The following CSDE1 variants were observed in gnomAD, a reference collection of about 807,000 sequenced individuals.
The protein encoded by CSDE1 is cold shock domain-containing protein E1.
A neutral mutation model predicts 89.3 loss-of-function variants in CSDE1; 17 were observed. The ratio of observed to expected loss-of-function variants is 0.19; its 90% confidence interval spans 0.13 to 0.29. The LOEUF is 0.29. Ranked by LOEUF, CSDE1 falls within the 10% of genes least tolerant of loss-of-function variation. The pLI is 1.00. For synonymous variants in CSDE1, 322 were observed against 332.8 expected, an observed-to-expected ratio of 0.97 and a Z score of 0.35; for missense variants, 672 against 984.2, an observed-to-expected ratio of 0.68 and a Z score of 4.24.
rs1278896427 is a variant in CSDE1 at position 114,737,513 on chromosome 1, C to A, written c.360G>T (p.Pro120=). The stretch of plus-strand genomic sequence containing the variant: ...ATACACTCCCTGTTGGACTCTGACC[C>A]GGGGCAGCTGGAGATTTACTCTCTA... ...HNLESKSPAA[P]GQSPTGSVCY... The change falls in exon 5 of 20, where the codon CCG becomes CCT. Residue 120 remains proline, a synonymous_variant. Transcript: ENST00000358528. 2 of 1,613,898 alleles carry A rather than the reference C, an allele frequency of 1.2e-6. No homozygotes were observed. Among genetic ancestry groups the A allele is most frequent in the East Asian group, 2.2e-5 (1 of 44,872 alleles).
At chr1:114,737,810 C>T (rs1019505842) in intron 4 of CSDE1, among the ~76,000 whole-genome samples, 153 bp downstream of exon 4, 1 of 152,070 alleles carries the variant, frequency 6.6e-6, no homozygotes, top group African/African-American at 2.4e-5. Context: ...TCAAGAAATG[C>T]CAGTGCTTTT....
At chr1:114,751,976 G>C (rs1661333231) in intron 1 of CSDE1, among the ~76,000 whole-genome samples, 1 of 152,116 alleles carries the variant, frequency 6.6e-6, no homozygotes, top group Admixed American at 6.5e-5. Flanking sequence ...TCAAAAACTT[G>C]AATTTTGGCC....
At position 114,717,963 on chromosome 1, in the gene CSDE1, G is replaced by A. The variant is rs1659279921; in HGVS notation, c.*206C>T. The A allele has an allele frequency of 5.5e-6, 3 of 548,658 alleles. No homozygotes were observed. The highest frequency in any genetic ancestry group is 9.5e-6 in the Non-Finnish European group (3 of 316,588). 34.0% of individuals were successfully genotyped at this position (548,658 alleles called of 1,614,324 possible). A position where few individuals can be genotyped will look rare whatever the true frequency, so the allele number is the denominator to read the frequency against. On this transcript the variant is annotated 3_prime_UTR_variant, in exon 20 of 20. Transcript: ENST00000358528. ...GCGCCACCTTAAGTTTTTCCAGGCT[G>A]CAACTGTGCATTATTTAAAATGGTT...
At chr1:114,751,005 T>C (rs747400231) in intron 1 of CSDE1, among the ~76,000 whole-genome samples, 2 of 152,190 alleles carry the variant, frequency 1.3e-5, no homozygotes, top group Non-Finnish European at 2.9e-5. Context: ...AGAGCTGGGC[T>C]GAAGTGAAAT....
intron 11 of CSDE1, 26 bp from the exon 12 acceptor site, chr1:114,730,448 T>A: frequency 6.2e-7 from 1 of 1,610,090 alleles, no homozygotes; most frequent in Non-Finnish European, 8.5e-7. Flanking sequence ...CAAAATTAAC[T>A]TTCAATTGAA....
intron 10 of CSDE1, among the ~76,000 whole-genome samples, chr1:114,730,862 A>T (rs1660059069): frequency 6.6e-6 from 1 of 152,264 alleles, no homozygotes; most frequent in South Asian, 2.1e-4. Flanking sequence ...TCCAATTGCT[A>T]CTTCCTGGCA....
At chr1:114,744,914 A>G (rs1660933446) in intron 2 of CSDE1, among the ~76,000 whole-genome samples, 1 of 152,208 alleles carries the variant, frequency 6.6e-6, no homozygotes. Context: ...AGGCACTCAT[A>G]TGTTGAATTA....
At chr1:114,722,399 G>T (rs145792881) in intron 16 of CSDE1, among the ~76,000 whole-genome samples, 4 of 152,286 alleles carry the variant, frequency 2.6e-5, no homozygotes, top group East Asian at 1.9e-4. Context: ...AGCTAGCAAA[G>T]ATTTAAGTTA....
At chr1:114,726,475 G>T in intron 13 of CSDE1, 89 bp from the exon 14 acceptor site, 1 of 1,020,908 alleles carries the variant, frequency 9.8e-7, no homozygotes, top group Non-Finnish European at 1.4e-6. Context: ...CTCCCCCAGC[G>T]CATGCTTTTC....
At chr1:114,732,944 G>A (rs928747489) in intron 9 of CSDE1, 128 bp from the exon 10 acceptor site, 84 of 727,288 alleles carry the variant, frequency 1.2e-4, no homozygotes, top group Admixed American at 6.7e-4. Flanking sequence ...AAAAGGTGTT[G>A]ACAACATAAG....
intron 2 of CSDE1, among the ~76,000 whole-genome samples, chr1:114,740,492 C>T (rs1214872913): frequency 6.6e-6 from 1 of 152,112 alleles, no homozygotes; most frequent in Admixed American, 6.5e-5. Flanking sequence ...ACTTCTGAAA[C>T]AACAAAACTC....
At chr1:114,749,195 A>T (rs1163500857) in intron 2 of CSDE1, among the ~76,000 whole-genome samples, 5 of 152,194 alleles carry the variant, frequency 3.3e-5, no homozygotes, top group African/African-American at 1.2e-4. Flanking sequence ...CTCCAAGGGA[A>T]CAGCTTCAGT....
rs1660737608 is a variant in CSDE1, at chr1:114,741,718, T to C, written c.1-1828A>G. ...TGTTGATAACTATGATCAATAACAA[T>C]TTAATGCACATTTCACAGTCAATAT... is the stretch of plus-strand genomic sequence containing the variant. On this transcript the variant is annotated intron_variant, in intron 2 of 19. Coordinates refer to ENST00000358528, the MANE Select transcript of CSDE1 (RefSeq NM_001007553.3). 2.9e-6 allele frequency: 4 copies of C among 1,376,380 alleles called. No individual in the cohort carries two copies. The African/African-American group carries it at 4.4e-5, about 15-fold the overall frequency. The allele number at this position is 1,376,380 out of a possible 1,614,324, so 85.3% of individuals were successfully genotyped here. A position where few individuals can be genotyped will look rare whatever the true frequency, so the allele number is the denominator to read the frequency against.
At chr1:114,730,967 G>C (rs185360009) in intron 10 of CSDE1, among the ~76,000 whole-genome samples, 5 of 152,244 alleles carry the variant, frequency 3.3e-5, no homozygotes, top group Admixed American at 2.6e-4. Flanking sequence ...ATAATCTCCA[G>C]AAACTTCACT....
intron 9 of CSDE1, 35 bp from the exon 10 acceptor site, chr1:114,732,851 T>C: frequency 6.6e-7 from 1 of 1,524,126 alleles, no homozygotes; most frequent in South Asian, 1.1e-5. Flanking sequence ...AGCTGGAGAT[T>C]TCTCATCCTT....
At chr1:114,756,181 C>CA (rs1454442769) in intron 1 of CSDE1, among the ~76,000 whole-genome samples, 7 of 151,954 alleles carry the variant, frequency 4.6e-5, no homozygotes, top group Non-Finnish European at 2.9e-5. Flanking sequence ...TCAGTACTTA[C>CA]AAAAAAAGAA....
chr1:114,746,024 C>T (rs1660993929), intron 2 of CSDE1, among the ~76,000 whole-genome samples: 1 of 152,094 alleles, frequency 6.6e-6, no homozygotes, highest in South Asian at 2.1e-4. Context: ...TTTTTCCCCC[C>T]TAATCTGGTC....
intron 7 of CSDE1, 33 bp from the exon 8 acceptor site, chr1:114,734,150 A>G (rs1172744898): frequency 5.0e-6 from 8 of 1,589,364 alleles, no homozygotes; most frequent in Non-Finnish European, 6.8e-6. Flanking sequence ...GAACATTATT[A>G]CCACTCTGTA....
intron 10 of CSDE1, 57 bp from the exon 11 acceptor site, chr1:114,730,705 AACTTT>A: frequency 6.3e-7 from 1 of 1,589,184 alleles, no homozygotes; most frequent in Non-Finnish European, 8.6e-7. Flanking sequence ...GGCAACATTC[AACTTT>A]ACAACCACCA....
Sources: gnomAD v4.1 joint callset for allele counts (sites outside exome capture counted in the v4.1 genomes callset) on GRCh38, gnomAD v4.1.1 for gene constraint, MANE v1.5 for transcripts, NCBI Gene and HGNC (gene_info 2026-07-23, HGNC 2026-07-21) for gene names.